Variants in SCLT1 observed in about 807,000 individuals in gnomAD.
SCLT1 encodes the protein sodium channel-associated protein 1.
Under a neutral mutation model 112.8 loss-of-function variants are expected in SCLT1, and 78 were observed. The ratio of observed to expected loss-of-function variants is 0.69; its 90% CI spans 0.58 to 0.83. SCLT1 has a LOEUF of 0.83. SCLT1 is among the 40% of genes least tolerant of loss of function. SCLT1 has a pLI of 0.00. For missense variants in SCLT1, 747 were observed against 770.4 expected, an observed-to-expected ratio of 0.97 and a Z score of 0.36; for synonymous variants, 257 against 254.7, an observed-to-expected ratio of 1.01 and a Z score of -0.09.
intron 18 of SCLT1, among the ~76,000 whole-genome samples, chr4:128,904,703 A>C (rs1734562909): frequency 6.6e-6 from 1 of 152,216 alleles, no homozygotes; most frequent in Non-Finnish European, 1.5e-5. Context: ...ATCATATAAT[A>C]TTAAGATCTA....
intron 2 of SCLT1, among the ~76,000 whole-genome samples, chr4:129,046,912 T>C (rs1023301929): frequency 2.0e-5 from 3 of 152,150 alleles, no homozygotes; most frequent in Admixed American, 6.6e-5. Flanking sequence ...AATAATGAAG[T>C]TGAACAGTCT....
intron 9 of SCLT1, among the ~76,000 whole-genome samples, chr4:128,984,706 T>C (rs896608043): frequency 6.6e-6 from 1 of 152,146 alleles, no homozygotes; most frequent in African/African-American, 2.4e-5. Context: ...AAATCTTATA[T>C]CCTTTTTTTC....
chr4:128,948,208 C>T (rs947043364), intron 15 of SCLT1, among the ~76,000 whole-genome samples: 1 of 151,672 alleles, frequency 6.6e-6, no homozygotes, highest in South Asian at 2.1e-4. Flanking sequence ...TGGTGGCACA[C>T]GCCTCTATTC....
intron 5 of SCLT1, among the ~76,000 whole-genome samples, chr4:129,012,760 C>T (rs955528991): frequency 1.3e-5 from 2 of 149,830 alleles, no homozygotes; most frequent in East Asian, 4.0e-4. Flanking sequence ...TTGAATTGAA[C>T]CTTTTACCAT....
chr4:129,058,931 G>A (rs1034645216), intron 2 of SCLT1, among the ~76,000 whole-genome samples: 2 of 151,752 alleles, frequency 1.3e-5, no homozygotes, highest in African/African-American at 4.8e-5. Context: ...TCTGGTGTTG[G>A]GTGTATATAT....
intron 18 of SCLT1, among the ~76,000 whole-genome samples, chr4:128,894,385 C>T (rs1733573335): frequency 1.1e-5 from 1 of 91,742 alleles, no homozygotes; most frequent in Non-Finnish European, 2.1e-5. Context: ...CACACACACA[C>T]ACACACACAC....
chr4:128,950,783 TTA>T (rs1738661961), intron 14 of SCLT1, among the ~76,000 whole-genome samples: 1 of 152,200 alleles, frequency 6.6e-6, no homozygotes, highest in African/African-American at 2.4e-5. Flanking sequence ...AATGAACATT[TTA>T]TGTTACTTTT....
chr4:129,065,806 G>A (rs1278440755), intron 2 of SCLT1, among the ~76,000 whole-genome samples: 2 of 152,074 alleles, frequency 1.3e-5, no homozygotes, highest in Non-Finnish European at 1.5e-5. Context: ...TTTCAAGTGT[G>A]AATTCTAAAT....
At chr4:128,959,344 G>A (rs560122882) in intron 12 of SCLT1, among the ~76,000 whole-genome samples, 6 of 152,038 alleles carry the variant, frequency 3.9e-5, no homozygotes, top group Non-Finnish European at 8.8e-5. Flanking sequence ...GACTACAGGG[G>A]ATGAAGATTA....
chr4:129,008,589 C>T (rs182449655), intron 5 of SCLT1, among the ~76,000 whole-genome samples: 1 of 152,276 alleles, frequency 6.6e-6, no homozygotes, highest in African/African-American at 2.4e-5. Flanking sequence ...CTCTGGGATT[C>T]AAATTACACG....
chr4:128,992,602 CCTT>C (rs1742671724), intron 8 of SCLT1, among the ~76,000 whole-genome samples: 1 of 151,950 alleles, frequency 6.6e-6, no homozygotes, highest in Non-Finnish European at 1.5e-5. Context: ...ACCCAAACTC[CCTT>C]CTTGCATGGG....
At chr4:128,927,091 A>G (rs1434145030) in intron 18 of SCLT1, among the ~76,000 whole-genome samples, 3 of 152,132 alleles carry the variant, frequency 2.0e-5, no homozygotes, top group African/African-American at 7.2e-5. Flanking sequence ...AACAAATCCC[A>G]ATATATTTTG....
intron 18 of SCLT1, among the ~76,000 whole-genome samples, chr4:128,896,468 C>T (rs1733767064): frequency 6.6e-6 from 1 of 152,204 alleles, no homozygotes; most frequent in Non-Finnish European, 1.5e-5. Context: ...AGGGTCCTGA[C>T]TGTCAGAAGG....
chr4:129,054,413 C>T (rs865785016), intron 2 of SCLT1, among the ~76,000 whole-genome samples: 1 of 152,132 alleles, frequency 6.6e-6, no homozygotes, highest in Non-Finnish European at 1.5e-5. Context: ...GGCCTTTTCA[C>T]ATAGTCCCAT....
Position 129,009,606 on chromosome 4 carries a change from T to A in SCLT1, c.291-5730A>T, listed in dbSNP as rs118156054. Among the ~76,000 whole-genome samples the A allele has an allele frequency of 7.8e-3, 1,183 of 152,338 alleles. 39 individuals are homozygous for A. The East Asian group carries it at 0.081, about 10-fold the overall frequency. ...TACCAGCAGTGTAAAAGCATTCCCT[T>A]TTCTCTGCAACCATAACAGCATCTG... On this transcript the variant is annotated intron_variant, in intron 5 of 20. Transcript: ENST00000281142.
intron 6 of SCLT1, among the ~76,000 whole-genome samples, chr4:129,003,208 C>A (rs1340701250): frequency 2.6e-5 from 4 of 152,052 alleles, no homozygotes; most frequent in African/African-American, 9.7e-5. Flanking sequence ...ACTGCATGTT[C>A]TCACTCATAA....
chr4:128,982,323 C>T (rs1214839110), intron 9 of SCLT1, among the ~76,000 whole-genome samples: 3 of 152,140 alleles, frequency 2.0e-5, no homozygotes, highest in Non-Finnish European at 4.4e-5. Context: ...CAAATTAAAA[C>T]AACTTTGAGG....
intron 2 of SCLT1, among the ~76,000 whole-genome samples, chr4:129,059,966 T>C (rs1749803112): frequency 6.6e-6 from 1 of 152,178 alleles, no homozygotes; most frequent in Non-Finnish European, 1.5e-5. Context: ...CTTCTCCTTC[T>C]GGAAAGCCCA....
intron 8 of SCLT1, among the ~76,000 whole-genome samples, chr4:128,994,937 G>C (rs1419742737): frequency 1.3e-5 from 2 of 151,942 alleles, no homozygotes; most frequent in Admixed American, 6.6e-5. Context: ...TCCCTTATTG[G>C]ATATACGGTC....
Sources: allele counts gnomAD v4.1 joint callset (sites outside exome capture counted in the v4.1 genomes callset), GRCh38; gene constraint gnomAD v4.1.1; transcripts MANE v1.5; gene names NCBI Gene and HGNC (gene_info 2026-07-23, HGNC 2026-07-21).